The following KCNIP3 variants were observed in gnomAD, a reference collection of about 807,000 sequenced individuals.
The protein encoded by KCNIP3 is potassium voltage-gated channel interacting protein 3.
In KCNIP3, 28 loss-of-function variants were observed where a neutral mutation model predicts 35.0. That is an observed-to-expected ratio of 0.80 (90% CI 0.59 to 1.10). KCNIP3 has a LOEUF of 1.10. Among genes scored for constraint, KCNIP3 ranks in the 50% least tolerant of loss-of-function variants. The pLI, the probability that KCNIP3 is intolerant of heterozygous loss-of-function variation, is 0.00. For synonymous variants in KCNIP3, 134 were observed against 133.8 expected (o/e 1.00, Z -0.01); for missense variants, 295 against 338.4 (o/e 0.87, Z 1.01).
rs1369897769 is a variant in KCNIP3 at position 95,376,042 on chromosome 2, C to T, written c.447+834C>T. Among the ~76,000 whole-genome samples, 7 of 152,298 alleles carry T rather than the reference C, an allele frequency of 4.6e-5. No individual in the cohort carries two copies. Among genetic ancestry groups the T allele is most frequent in the East Asian group, 1.9e-4 (1 of 5,182 alleles). On this transcript the variant is annotated intron_variant, in intron 5 of 8. Transcript: ENST00000295225. The surrounding 1 kb of genome is among the most constrained non-coding windows in gnomAD (Gnocchi z 4.2). The stretch of plus-strand genomic sequence containing the variant: ...GCGGGTTATTTTTATGCCGCAAGCC[C>T]GCCAGGCACACTGACGCTCCCCGCC...
At chr2:95,325,969 GCACA>G (rs1678759236) in intron 2 of KCNIP3, among the ~76,000 whole-genome samples, 1 of 126,134 alleles carries the variant, frequency 7.9e-6, no homozygotes, top group African/African-American at 3.1e-5. Flanking sequence ...ACACTCATAG[GCACA>G]CATACACTCC....
Position 95,354,449 on chromosome 2 carries a change from G to A in KCNIP3, c.182-19847G>A, listed in dbSNP as rs535944715. Among the ~76,000 whole-genome samples the A allele has an allele frequency of 5.3e-5, 8 of 152,362 alleles. No individual in the cohort carries two copies. In the South Asian group the frequency reaches 1.7e-3, roughly 32 times the overall value. ...CAGTAGCTCTGGGACGGTGCCCTCT[G>A]CAGGGAGGGTCCCTCTGGCTGGGGC... On this transcript the variant is annotated intron_variant, in intron 2 of 8. Coordinates refer to ENST00000295225, the MANE Select transcript of KCNIP3 (RefSeq NM_013434.5).
intron 1 of KCNIP3, among the ~76,000 whole-genome samples, chr2:95,306,814 T>A (rs1678189532): frequency 6.6e-6 from 1 of 152,144 alleles, no homozygotes; most frequent in Non-Finnish European, 1.5e-5. Flanking sequence ...GGGGGCCGCC[T>A]CTTAGGACGC....
intron 2 of KCNIP3, among the ~76,000 whole-genome samples, chr2:95,357,021 G>A (rs903804220): frequency 2.6e-5 from 4 of 152,224 alleles, no homozygotes; most frequent in Non-Finnish European, 5.9e-5. Context: ...GCCGGCGTGG[G>A]TGGCCTCTGC....
At chr2:95,318,978 A>AGGGCT (rs979186541) in intron 2 of KCNIP3, among the ~76,000 whole-genome samples, 6 of 152,228 alleles carry the variant, frequency 3.9e-5, no homozygotes, top group Non-Finnish European at 7.3e-5. Flanking sequence ...AGCCGCCGGC[A>AGGGCT]GGGCTGGGCT....
chr2:95,363,316 T>C (rs552468848), intron 2 of KCNIP3, among the ~76,000 whole-genome samples: 13 of 152,336 alleles, frequency 8.5e-5, no homozygotes, highest in Admixed American at 7.2e-4. Flanking sequence ...GGAGTCTAGA[T>C]TGTTTTCTTT....
intron 2 of KCNIP3, among the ~76,000 whole-genome samples, chr2:95,371,586 TGTC>T (rs1352647751): frequency 6.6e-6 from 1 of 152,228 alleles, no homozygotes; most frequent in Non-Finnish European, 1.5e-5. Context: ...TTTCGTCACT[TGTC>T]ATACCATTTA....
In KCNIP3 at chr2:95,378,630, C is replaced by T. The variant is rs1680262080; in HGVS notation, c.448-2966C>T. 6.6e-6 allele frequency among the ~76,000 whole-genome samples: 1 copy of T among 151,122 alleles called. No individual in the cohort carries two copies. Among genetic ancestry groups the T allele is most frequent in the African/African-American group, 2.4e-5 (1 of 41,088 alleles). On this transcript the variant is annotated intron_variant, in intron 5 of 8. Transcript: ENST00000295225. This position sits in a 1 kb window ranked among gnomAD's most constrained non-coding sequence, Gnocchi z 4.0. ...GCATGGTGGCGGGTGCCTATAATTCCAGCTGCTTGGGAGGCTGAGGCAAGT... is the reference window on the plus strand; with the variant it reads ...GCATGGTGGCGGGTGCCTATAATTCTAGCTGCTTGGGAGGCTGAGGCAAGT...
intron 1 of KCNIP3, among the ~76,000 whole-genome samples, chr2:95,299,368 C>T (rs528390753): frequency 1.3e-5 from 2 of 152,336 alleles, no homozygotes; most frequent in Admixed American, 6.5e-5. Context: ...CTTGTGGCAG[C>T]AGGGACTGTA....
rs1050094135 is a variant in KCNIP3 at position 95,325,774 on chromosome 2, T to C, written c.181+15254T>C. Among the ~76,000 whole-genome samples, 15 of 143,892 alleles carry C rather than the reference T, an allele frequency of 1.0e-4. No individual in the cohort carries two copies. In the East Asian group the frequency reaches 2.5e-3, roughly 24 times the overall value. 94.4% of individuals were successfully genotyped at this position (143,892 alleles called of 152,430 possible). On this transcript the variant is annotated intron_variant, in intron 2 of 8. Coordinates refer to ENST00000295225, the MANE Select transcript of KCNIP3 (RefSeq NM_013434.5). The stretch of plus-strand genomic sequence containing the variant: ...ACTCATACACACATACACACTCATA[T>C]ACACACACTCATACACACTCATACA...
intron 2 of KCNIP3, among the ~76,000 whole-genome samples, chr2:95,321,708 G>A (rs1310767799): frequency 3.9e-5 from 6 of 152,182 alleles, no homozygotes; most frequent in Non-Finnish European, 8.8e-5. Flanking sequence ...AGACAGGACT[G>A]CTCAGTTAAA....
intron 2 of KCNIP3, among the ~76,000 whole-genome samples, chr2:95,319,533 T>C (rs1412386820): frequency 6.6e-6 from 1 of 152,188 alleles, no homozygotes; most frequent in Non-Finnish European, 1.5e-5. Flanking sequence ...ACTGAGCTGC[T>C]GGGCATGACC....
At chr2:95,383,127 A>ACCCCCCCCCCCCTCCC in intron 7 of KCNIP3, 105 bp from the exon 8 acceptor site, 2 of 247,698 alleles carry the variant, frequency 8.1e-6, no homozygotes, top group South Asian at 5.5e-5. Context: ...CCGCCCATCC[A>ACCCCCCCCCCCCTCCC]CCCACCCGCC....
rs1252490396 is a variant in KCNIP3 at position 95,378,859 on chromosome 2, CATATATACACACACACACAT to C, written c.448-2709_448-2690del. Among the ~76,000 whole-genome samples the C allele has an allele frequency of 1.5e-4, 22 of 149,274 alleles. No homozygotes were observed. The highest frequency in any genetic ancestry group is 1.3e-3 in the Admixed American group (19 of 14,614). On this transcript the variant is annotated intron_variant, in intron 5 of 8. Transcript: ENST00000295225. The surrounding 1 kb of genome is among the most constrained non-coding windows in gnomAD (Gnocchi z 4.0). ...ATATTTATATACACATATATATACA[CATATATACACACACACACAT>C]ATATATACACACACACACATATATA...
chr2:95,375,410 A>G (rs1680160398), intron 5 of KCNIP3, among the ~76,000 whole-genome samples: 1 of 151,878 alleles, frequency 6.6e-6, no homozygotes, highest in South Asian at 2.1e-4. Context: ...GGCCGGCACC[A>G]CGTTCTCAGC....
rs866909764 is a variant in KCNIP3 at position 95,382,818 on chromosome 2, C to T, written c.660+337C>T. Among the ~76,000 whole-genome samples the T allele has an allele frequency of 1.1e-4, 16 of 152,308 alleles. No individual in the cohort carries two copies. The highest frequency in any genetic ancestry group is 3.6e-4 in the African/African-American group (15 of 41,572). On this transcript the variant is annotated intron_variant, in intron 7 of 8. Coordinates refer to ENST00000295225, the MANE Select transcript of KCNIP3 (RefSeq NM_013434.5). This position sits in a 1 kb window ranked among gnomAD's most constrained non-coding sequence, Gnocchi z 4.5. ...TGGGGGCCTTCACCTGTATGCATGGCGGCTGCAGGGGCTGCAGGCTTTGCC... is the reference window on the plus strand; with the variant it reads ...TGGGGGCCTTCACCTGTATGCATGGTGGCTGCAGGGGCTGCAGGCTTTGCC...
intron 2 of KCNIP3, among the ~76,000 whole-genome samples, chr2:95,317,938 C>A (rs1191961911): frequency 1.3e-5 from 2 of 152,140 alleles, no homozygotes; most frequent in Non-Finnish European, 2.9e-5. Context: ...TCTTCCGCTT[C>A]ATCTCTGGGA....
chr2:95,373,535 GC>G (rs754022902), intron 2 of KCNIP3, among the ~76,000 whole-genome samples: 1 of 145,786 alleles, frequency 6.9e-6, no homozygotes, highest in African/African-American at 2.5e-5. Flanking sequence ...CCATTCTCCT[GC>G]CTCAGCCTCC....
At chr2:95,345,746 G>GC in intron 2 of KCNIP3, among the ~76,000 whole-genome samples, 1 of 152,248 alleles carries the variant, frequency 6.6e-6, no homozygotes, top group South Asian at 2.1e-4. Flanking sequence ...CAGGTCTCCG[G>GC]CCTCGCGGCT....
Sources: allele counts gnomAD v4.1 joint callset (sites outside exome capture counted in the v4.1 genomes callset), GRCh38; gene constraint gnomAD v4.1.1; non-coding constraint Gnocchi (gnomAD v3.1); transcripts MANE v1.5; gene names NCBI Gene and HGNC (gene_info 2026-07-23, HGNC 2026-07-21).